Variants in LIPI observed in about 807,000 individuals in gnomAD.
LIPI encodes the protein lipase I, also known as lipase member I.
In LIPI, 59 loss-of-function variants were observed where a neutral mutation model predicts 50.6. That is an observed-to-expected ratio of 1.16 (90% CI 0.94 to 1.45). LIPI has a LOEUF of 1.45. Ranked by LOEUF, LIPI falls within the 40% of genes most tolerant of loss-of-function variation. The pLI is 0.00. For missense variants in LIPI, 586 were observed against 536.3 expected, an observed-to-expected ratio of 1.09 and a Z score of -0.92; for synonymous variants, 203 against 178.2, an observed-to-expected ratio of 1.14 and a Z score of -1.11.
rs181128511 is a variant in LIPI at position 14,172,367 on chromosome 21, G to C, written c.644-5916C>G. Among the ~76,000 whole-genome samples, 602 of 152,304 alleles carry C rather than the reference G, an allele frequency of 4.0e-3. 4 individuals are homozygous for C. The highest frequency in any genetic ancestry group is 0.013 in the African/African-American group (553 of 41,572). Reference sequence around the variant, plus strand: ...TTTGACCCAGCAATCCCATTACTGGGTATATACCCAAAGGACTATAAATCA... The same window carrying C: ...TTTGACCCAGCAATCCCATTACTGGCTATATACCCAAAGGACTATAAATCA... On this transcript the variant is annotated intron_variant, in intron 4 of 9. Coordinates refer to ENST00000681601, the MANE Select transcript of LIPI (RefSeq NM_001302998.2).
chr21:14,155,379 G>A (rs1438196616), intron 7 of LIPI, among the ~76,000 whole-genome samples: 2 of 151,906 alleles, frequency 1.3e-5, no homozygotes, highest in Non-Finnish European at 2.9e-5. Context: ...TGCTATTAGA[G>A]TGTCAGAAAG....
chr21:14,191,829 G>T (rs1320719884), intron 1 of LIPI, among the ~76,000 whole-genome samples: 1 of 152,178 alleles, frequency 6.6e-6, no homozygotes, highest in Non-Finnish European at 1.5e-5. Context: ...GGGCTTGGAC[G>T]TCCTAACCTC....
At chr21:14,151,847 A>AG (rs916428831) in intron 8 of LIPI, among the ~76,000 whole-genome samples, 2 of 152,044 alleles carry the variant, frequency 1.3e-5, no homozygotes, top group Non-Finnish European at 2.9e-5. Flanking sequence ...TAAAAGATTG[A>AG]GAAAAAAACA....
At chr21:14,128,388 G>T (rs1007299204) in intron 9 of LIPI, among the ~76,000 whole-genome samples, 1 of 152,002 alleles carries the variant, frequency 6.6e-6, no homozygotes, top group African/African-American at 2.4e-5. Flanking sequence ...CTCCAAGAAA[G>T]ATTTTAGTTT....
At chr21:14,167,450 C>T (rs528686757) in intron 4 of LIPI, among the ~76,000 whole-genome samples, 5 of 152,168 alleles carry the variant, frequency 3.3e-5, no homozygotes, top group Non-Finnish European at 5.9e-5. Flanking sequence ...AGCAGACTAA[C>T]TGGGAGGCAC....
rs376181276 is a variant in LIPI at position 14,166,467 on chromosome 21, C to T, written c.644-16G>A. 8 of 1,364,032 alleles carry T rather than the reference C, an allele frequency of 5.9e-6. No individual in the cohort carries two copies. The highest frequency in any genetic ancestry group is 1.2e-5 in the South Asian group (1 of 85,936). 84.5% of individuals were successfully genotyped at this position (1,364,032 alleles called of 1,614,324 possible). A position where few individuals can be genotyped will look rare whatever the true frequency, so the allele number is the denominator to read the frequency against. ...ATGCCTAAACCTGAGAAGAAAGGCA[C>T]CCAAGAATCACAACATGTATATAAT... On this transcript the variant is annotated splice_polypyrimidine_tract_variant and intron_variant, in intron 4 of 9. Coordinates refer to ENST00000681601, the MANE Select transcript of LIPI (RefSeq NM_001302998.2).
chr21:14,172,089 C>T (rs531818393), intron 4 of LIPI, among the ~76,000 whole-genome samples: 136 of 152,214 alleles, frequency 8.9e-4, no homozygotes, highest in African/African-American at 3.1e-3. Flanking sequence ...AAGAAGACAC[C>T]TATGCAGCCA....
chr21:14,206,996 C>A lies in LIPI; in HGVS notation c.46+3804G>T, dbSNP rs2020244781. ...TAATAAGAAGGAAGACCCTTTTGGG[C>A]CAGCAGAATTCCAAGTACGAAACAA... is the stretch of plus-strand genomic sequence containing the variant. On this transcript the variant is annotated intron_variant, in intron 1 of 9. Transcript: ENST00000681601. The A allele has an allele frequency of 5.8e-6, 6 of 1,030,824 alleles. No individual in the cohort carries two copies. The Admixed American group carries it at 6.9e-5, about 12-fold the overall frequency. 63.9% of individuals were successfully genotyped at this position (1,030,824 alleles called of 1,614,324 possible). A position where few individuals can be genotyped will look rare whatever the true frequency, so the allele number is the denominator to read the frequency against.
intron 9 of LIPI, among the ~76,000 whole-genome samples, chr21:14,126,667 T>A (rs568682907): frequency 6.6e-6 from 1 of 152,292 alleles, no homozygotes; most frequent in East Asian, 1.9e-4. Context: ...ACAGATAAGG[T>A]TTAAGAGAGG....
At chr21:14,125,332 T>C (rs1359818279) in intron 9 of LIPI, among the ~76,000 whole-genome samples, 4 of 152,200 alleles carry the variant, frequency 2.6e-5, no homozygotes, top group African/African-American at 9.7e-5. Context: ...CTATGTGAAG[T>C]GGTAAAACTT....
chr21:14,163,287 T>C, intron 7 of LIPI, 132 bp downstream of exon 7: 1 of 603,680 alleles, frequency 1.7e-6, no homozygotes, highest in Non-Finnish European at 3.0e-6. Context: ...CCACTGGCTA[T>C]AGCAAATTTT....
chr21:14,135,315 T>A (rs55938121), intron 9 of LIPI, among the ~76,000 whole-genome samples: 2 of 151,692 alleles, frequency 1.3e-5, no homozygotes, highest in African/African-American at 4.8e-5. Flanking sequence ...AACAAGTATC[T>A]ACACGGAAAA....
intron 4 of LIPI, among the ~76,000 whole-genome samples, chr21:14,171,484 A>G (rs1332330723): frequency 6.6e-6 from 1 of 151,104 alleles, no homozygotes; most frequent in Non-Finnish European, 1.5e-5. Flanking sequence ...GGCTACAGTA[A>G]CCAAAACAGC....
rs200824427 is a variant in LIPI at position 14,181,748 on chromosome 21, G to A, written c.643+10C>T. On this transcript the variant is annotated intron_variant, in intron 4 of 9. Transcript: ENST00000681601. ...TTCAAATAATTAGGTAATAAATCCT[G>A]ATTTGTTACCATTGGAGTCAGAATG... is the stretch of plus-strand genomic sequence containing the variant. The A allele has an allele frequency of 3.9e-6, 6 of 1,527,594 alleles. No individual in the cohort carries two copies. Among genetic ancestry groups the A allele is most frequent in the Non-Finnish European group, 5.4e-6 (6 of 1,102,158 alleles). The allele number at this position is 1,527,594 out of a possible 1,614,324, so 94.6% of individuals were successfully genotyped here. A position where few individuals can be genotyped will look rare whatever the true frequency, so the allele number is the denominator to read the frequency against.
chr21:14,186,088 G>A lies in LIPI; in HGVS notation c.433-19C>T, dbSNP rs755452000. On this transcript the variant is annotated intron_variant, in intron 2 of 9. Transcript: ENST00000681601. ...CATGCTTCTGCAATTAAAGAGAAAGGCAATATTACAGTATTCATTTCAAGT... is the reference window on the plus strand; with the variant it reads ...CATGCTTCTGCAATTAAAGAGAAAGACAATATTACAGTATTCATTTCAAGT... The A allele has an allele frequency of 9.3e-6, 12 of 1,291,866 alleles. No homozygotes were observed. The Admixed American group carries it at 2.0e-4, about 22-fold the overall frequency. 80.0% of individuals were successfully genotyped at this position (1,291,866 alleles called of 1,614,324 possible).
intron 1 of LIPI, among the ~76,000 whole-genome samples, chr21:14,189,687 G>A (rs1600921067): frequency 1.3e-5 from 2 of 152,054 alleles, no homozygotes; most frequent in East Asian, 1.9e-4. Context: ...ATAGTAATGG[G>A]TGTGAGCGAA....
intron 1 of LIPI, among the ~76,000 whole-genome samples, chr21:14,201,576 G>A (rs926624488): frequency 3.9e-5 from 6 of 152,012 alleles, no homozygotes; most frequent in Admixed American, 2.6e-4. Flanking sequence ...CAGAACCAAC[G>A]ACAAAAACCA....
chr21:14,157,462 T>C (rs950544190), intron 7 of LIPI, among the ~76,000 whole-genome samples: 1 of 151,326 alleles, frequency 6.6e-6, no homozygotes, highest in African/African-American at 2.4e-5. Flanking sequence ...TATGGAGGAG[T>C]CTCTTTTTTA....
chr21:14,186,101 ATTCAT>A, intron 2 of LIPI, 32 bp from the exon 3 acceptor site: 1 of 1,170,146 alleles, frequency 8.5e-7, no homozygotes, highest in Non-Finnish European at 1.3e-6. Flanking sequence ...ATATTACAGT[ATTCAT>A]TTCAAGTAAT....
Sources: allele counts gnomAD v4.1 joint callset (sites outside exome capture counted in the v4.1 genomes callset), GRCh38; gene constraint gnomAD v4.1.1; transcripts MANE v1.5; gene names NCBI Gene and HGNC (gene_info 2026-07-23, HGNC 2026-07-21).